Variants in COMMD10 observed in about 807,000 individuals in gnomAD.
The protein encoded by COMMD10 is COMM domain-containing protein 10.
COMMD10 carries 33 observed loss-of-function variants against 28.9 expected under a neutral mutation model. That is an observed-to-expected ratio of 1.14 (90% CI 0.87 to 1.53). COMMD10 has a LOEUF of 1.53. Among genes scored for constraint, COMMD10 ranks in the 40% most tolerant of loss-of-function variants. COMMD10 has a pLI of 0.00. For synonymous variants in COMMD10, 110 were observed against 81.7 expected, an observed-to-expected ratio of 1.35 and a Z score of -1.87; for missense variants, 310 against 233.4, an observed-to-expected ratio of 1.33 and a Z score of -2.14.
At chr5:116,187,063 A>C (rs562108821) in intron 5 of COMMD10, among the ~76,000 whole-genome samples, 175 of 152,288 alleles carry the variant, frequency 1.1e-3, no homozygotes, top group African/African-American at 4.0e-3. Context: ...GTATATCCTA[A>C]AGTAAAAAAT....
At chr5:116,183,411 C>T (rs1748039343) in intron 5 of COMMD10, among the ~76,000 whole-genome samples, 1 of 152,018 alleles carries the variant, frequency 6.6e-6, no homozygotes, top group Non-Finnish European at 1.5e-5. Flanking sequence ...TCAGTGACTA[C>T]ATAGACTCAT....
chr5:116,237,767 G>T (rs1037280060), intron 5 of COMMD10, among the ~76,000 whole-genome samples: 1 of 152,136 alleles, frequency 6.6e-6, no homozygotes, highest in African/African-American at 2.4e-5. Flanking sequence ...CTCATAAAAT[G>T]CAATAAATGC....
chr5:116,174,591 G>C (rs1753440209), intron 5 of COMMD10, among the ~76,000 whole-genome samples: 1 of 149,406 alleles, frequency 6.7e-6, no homozygotes, highest in Non-Finnish European at 1.5e-5. Context: ...TGATGGTGGA[G>C]GTAGTGAAAG....
rs567430795 is a variant in COMMD10 at position 116,277,660 on chromosome 5, T to C, written c.511-13857T>C. 5.9e-5 allele frequency among the ~76,000 whole-genome samples: 9 copies of C among 151,990 alleles called. No individual in the cohort carries two copies. The East Asian group carries it at 1.7e-3, about 29-fold the overall frequency. On this transcript the variant is annotated intron_variant, in intron 5 of 6. Transcript: ENST00000274458. ...GAGGTAAATGCTGAACTTGCCCTTT[T>C]TAATTTGTTGAAACAGAGCTTCCAT...
At chr5:116,166,234 A>ATTAG (rs3072991) in intron 5 of COMMD10, among the ~76,000 whole-genome samples, 47,059 of 151,936 alleles carry the variant, frequency 0.31, 10,184 homozygotes, top group African/African-American at 0.62. Flanking sequence ...AGATGCAAAG[A>ATTAG]TTGTTTTTTA....
At chr5:116,283,539 G>T (rs1236208867) in intron 5 of COMMD10, among the ~76,000 whole-genome samples, 1 of 151,432 alleles carries the variant, frequency 6.6e-6, no homozygotes, top group African/African-American at 2.4e-5. Flanking sequence ...TAGAGACAGG[G>T]TTTCACCATG....
intron 5 of COMMD10, among the ~76,000 whole-genome samples, chr5:116,194,437 A>G (rs887326852): frequency 3.3e-5 from 5 of 152,198 alleles, no homozygotes; most frequent in Non-Finnish European, 4.4e-5. Flanking sequence ...TAACCAAGAA[A>G]AGAAGGGAGA....
chr5:116,202,795 C>T (rs1748704170), intron 5 of COMMD10, among the ~76,000 whole-genome samples: 1 of 151,358 alleles, frequency 6.6e-6, no homozygotes, highest in Non-Finnish European at 1.5e-5. Flanking sequence ...AGCCCTTTGT[C>T]AGATGAGTAG....
chr5:116,192,344 T>C (rs939043515), intron 5 of COMMD10, among the ~76,000 whole-genome samples: 1 of 149,594 alleles, frequency 6.7e-6, no homozygotes, highest in African/African-American at 2.5e-5. Flanking sequence ...GAAAAAGAGT[T>C]CAGGAGGTGA....
intron 5 of COMMD10, among the ~76,000 whole-genome samples, chr5:116,150,334 A>T (rs11241369): frequency 6.6e-6 from 1 of 151,538 alleles, no homozygotes; most frequent in Non-Finnish European, 1.5e-5. Context: ...TGACTTGGCA[A>T]TGCGGGCTCT....
At chr5:116,163,490 T>C (rs1295197849) in intron 5 of COMMD10, among the ~76,000 whole-genome samples, 1 of 149,372 alleles carries the variant, frequency 6.7e-6, no homozygotes, top group Non-Finnish European at 1.5e-5. Context: ...CTCAGGAGGC[T>C]GAGGCAGGGA....
chr5:116,256,230 T>A (rs1399010289), intron 5 of COMMD10, among the ~76,000 whole-genome samples: 1 of 151,776 alleles, frequency 6.6e-6, no homozygotes, highest in African/African-American at 2.4e-5. Context: ...CCAAAATGAT[T>A]TTGAATCACC....
chr5:116,198,678 A>C (rs1445571300), intron 5 of COMMD10, among the ~76,000 whole-genome samples: 1 of 152,114 alleles, frequency 6.6e-6, no homozygotes, highest in Non-Finnish European at 1.5e-5. Flanking sequence ...CCTGTTTTAC[A>C]TTTTCAGAAG....
intron 5 of COMMD10, among the ~76,000 whole-genome samples, chr5:116,234,104 C>T (rs1323863720): frequency 1.3e-5 from 2 of 152,146 alleles, no homozygotes; most frequent in Non-Finnish European, 2.9e-5. Context: ...CTAAAATTTT[C>T]ACTGGCATTG....
At chr5:116,140,942 T>C (rs549488556) in intron 5 of COMMD10, among the ~76,000 whole-genome samples, 8 of 151,952 alleles carry the variant, frequency 5.3e-5, no homozygotes, top group African/African-American at 1.7e-4. Context: ...GATGTAGTTC[T>C]ACTTGTTTAT....
intron 5 of COMMD10, among the ~76,000 whole-genome samples, chr5:116,167,190 A>G (rs1753150462): frequency 6.6e-6 from 1 of 152,002 alleles, no homozygotes; most frequent in South Asian, 2.1e-4. Context: ...CAGCACAAGA[A>G]CTTCATGCAG....
At chr5:116,197,573 C>G (rs145926008) in intron 5 of COMMD10, among the ~76,000 whole-genome samples, 216 of 151,904 alleles carry the variant, frequency 1.4e-3, no homozygotes, top group African/African-American at 5.0e-3. Flanking sequence ...TTTGTAGAGA[C>G]AGGTTCTCAC....
chr5:116,183,998 CA>C (rs879601106), intron 5 of COMMD10, among the ~76,000 whole-genome samples: 3 of 150,790 alleles, frequency 2.0e-5, no homozygotes, highest in Non-Finnish European at 3.0e-5. Flanking sequence ...TTTAATCAGT[CA>C]TCCGTTAAGG....
chr5:116,090,963 C>T, intron 2 of COMMD10, 116 bp from the exon 3 acceptor site: 7 of 555,624 alleles, frequency 1.3e-5, no homozygotes, highest in Non-Finnish European at 1.6e-5. Context: ...TTCTTTTCAC[C>T]ATGTATTTTT....
Sources: gnomAD v4.1 joint callset for allele counts (sites outside exome capture counted in the v4.1 genomes callset) on GRCh38, gnomAD v4.1.1 for gene constraint, MANE v1.5 for transcripts, NCBI Gene and HGNC (gene_info 2026-07-23, HGNC 2026-07-21) for gene names.